The following NRG3 variants were observed in gnomAD, a reference collection of about 807,000 sequenced individuals.
The protein encoded by NRG3 is neuregulin 3, also known as pro-neuregulin-3, membrane-bound isoform.
A neutral mutation model predicts 66.9 loss-of-function variants in NRG3; 31 were observed. That is an observed-to-expected ratio of 0.46 (90% CI 0.35 to 0.63). NRG3 has a LOEUF of 0.63. Ranked by LOEUF, NRG3 falls within the 20% of genes least tolerant of loss-of-function variation. The pLI, the probability that NRG3 is intolerant of heterozygous loss-of-function variation, is 0.00. For missense variants in NRG3, 910 were observed against 878.9 expected (o/e 1.04, Z -0.45); for synonymous variants, 393 against 359.4 (o/e 1.09, Z -1.06).
At chr10:82,041,571 T>A (rs1228951050) in intron 1 of NRG3, among the ~76,000 whole-genome samples, 1 of 151,994 alleles carries the variant, frequency 6.6e-6, no homozygotes. Context: ...CTACAAAGTC[T>A]CCAAAACACA....
intron 2 of NRG3, among the ~76,000 whole-genome samples, chr10:82,597,875 C>A (rs1480131068): frequency 6.7e-6 from 1 of 150,224 alleles, no homozygotes; most frequent in Non-Finnish European, 1.5e-5. Flanking sequence ...GAGCCGAGAT[C>A]GCGCCATTGC....
chr10:82,271,194 A>T (rs902622069), intron 1 of NRG3, among the ~76,000 whole-genome samples: 1 of 152,068 alleles, frequency 6.6e-6, no homozygotes, highest in Admixed American at 6.6e-5. Context: ...GATAAAGAAA[A>T]TCAGAGGGTT....
At chr10:82,447,573 A>G (rs1323088749) in intron 2 of NRG3, among the ~76,000 whole-genome samples, 1 of 152,180 alleles carries the variant, frequency 6.6e-6, no homozygotes, top group Non-Finnish European at 1.5e-5. Flanking sequence ...TATTCTTCCT[A>G]CCTACTCCTT....
chr10:82,922,155 A>G (rs1031774060), intron 4 of NRG3, among the ~76,000 whole-genome samples: 6 of 152,096 alleles, frequency 3.9e-5, no homozygotes, highest in African/African-American at 1.4e-4. Flanking sequence ...AAGAGGATGT[A>G]TAATATTCTA....
At chr10:81,905,043 C>T (rs1369036205) in intron 1 of NRG3, among the ~76,000 whole-genome samples, 1 of 152,130 alleles carries the variant, frequency 6.6e-6, no homozygotes, top group Non-Finnish European at 1.5e-5. Context: ...CCCTTTCATG[C>T]AGTCTCCTCC....
At chr10:82,026,657 T>G (rs2062324543) in intron 1 of NRG3, among the ~76,000 whole-genome samples, 1 of 152,086 alleles carries the variant, frequency 6.6e-6, no homozygotes, top group South Asian at 2.1e-4. Context: ...TTTGTGTGGG[T>G]GTGTTTGAAT....
At chr10:82,170,246 A>G (rs1255255639) in intron 1 of NRG3, among the ~76,000 whole-genome samples, 1 of 152,058 alleles carries the variant, frequency 6.6e-6, no homozygotes, top group Non-Finnish European at 1.5e-5. Context: ...TCTCTTGTGC[A>G]GAAAAATGGC....
chr10:82,753,424 G>T (rs1165639744), intron 3 of NRG3, among the ~76,000 whole-genome samples: 2 of 151,836 alleles, frequency 1.3e-5, no homozygotes, highest in African/African-American at 4.8e-5. Flanking sequence ...GATTGAAGTA[G>T]TTTTTTTCTT....
At chr10:82,499,016 T>C (rs1843885608) in intron 2 of NRG3, among the ~76,000 whole-genome samples, 1 of 151,976 alleles carries the variant, frequency 6.6e-6, no homozygotes, top group Non-Finnish European at 1.5e-5. Context: ...GGTGGAAACA[T>C]ATTGAGTAGC....
At chr10:82,437,813 G>T (rs1303455900) in intron 2 of NRG3, among the ~76,000 whole-genome samples, 3 of 152,014 alleles carry the variant, frequency 2.0e-5, no homozygotes, top group Admixed American at 2.0e-4. Context: ...TCTTCTATAG[G>T]GCTGCTGCAG....
chr10:82,081,463 T>C (rs1238065280), intron 1 of NRG3, among the ~76,000 whole-genome samples: 1 of 152,182 alleles, frequency 6.6e-6, no homozygotes, highest in Non-Finnish European at 1.5e-5. Context: ...CTTGTTTCTT[T>C]AACTGCCGCA....
chr10:82,612,637 T>A (rs1590873407), intron 2 of NRG3, among the ~76,000 whole-genome samples: 1 of 152,310 alleles, frequency 6.6e-6, no homozygotes, highest in Admixed American at 6.5e-5. Context: ...TCTTTTTTTC[T>A]TTTGAAAATT....
chr10:81,963,125 CTTTTTTT>C lies in NRG3; in HGVS notation c.823+86982_823+86988del, dbSNP rs777026850. ...GAAAATATGATCTGCCACGAGGGCT[CTTTTTTT>C]TTTTTTTTTTTTTTTTTTTGAGACG... On this transcript the variant is annotated intron_variant, in intron 1 of 8. Transcript: ENST00000372141. 1.1e-4 allele frequency among the ~76,000 whole-genome samples: 8 copies of C among 70,112 alleles called. No homozygotes were observed. In the East Asian group the frequency reaches 1.9e-3, roughly 16 times the overall value. 46.0% of individuals were successfully genotyped at this position (70,112 alleles called of 152,430 possible).
intron 1 of NRG3, among the ~76,000 whole-genome samples, chr10:82,056,766 G>A (rs1220291759): frequency 6.6e-6 from 1 of 152,082 alleles, no homozygotes; most frequent in Admixed American, 6.6e-5. Flanking sequence ...AGAATTCCAG[G>A]TTAACAATTA....
At chr10:82,016,288 T>G (rs1300520164) in intron 1 of NRG3, among the ~76,000 whole-genome samples, 4 of 152,054 alleles carry the variant, frequency 2.6e-5, no homozygotes, top group Admixed American at 6.6e-5. Flanking sequence ...GTTAGCCGAT[T>G]GGAGAAGTGG....
chr10:82,259,503 C>T (rs2134186069), intron 1 of NRG3, among the ~76,000 whole-genome samples: 1 of 152,222 alleles, frequency 6.6e-6, no homozygotes, highest in East Asian at 1.9e-4. Flanking sequence ...AATTAGATGG[C>T]ACACCGTAGT....
chr10:82,762,593 A>G (rs1385067747), intron 3 of NRG3, among the ~76,000 whole-genome samples: 4 of 152,206 alleles, frequency 2.6e-5, no homozygotes, highest in African/African-American at 4.8e-5. Flanking sequence ...CCGTATACAT[A>G]TATACATTTG....
chr10:82,845,316 G>A (rs145523836), intron 3 of NRG3, among the ~76,000 whole-genome samples: 332 of 152,248 alleles, frequency 2.2e-3, no homozygotes, highest in African/African-American at 7.2e-3. Context: ...TAAAGTTGAC[G>A]AAGCTGCATC....
chr10:82,329,598 G>T (rs1405755350), intron 1 of NRG3, among the ~76,000 whole-genome samples: 2 of 152,070 alleles, frequency 1.3e-5, no homozygotes, highest in African/African-American at 2.4e-5. Flanking sequence ...GCTGTTTTTA[G>T]ATCTTTTGTC....
Sources: gnomAD v4.1 joint callset for allele counts (sites outside exome capture counted in the v4.1 genomes callset) on GRCh38, gnomAD v4.1.1 for gene constraint, MANE v1.5 for transcripts, NCBI Gene and HGNC (gene_info 2026-07-23, HGNC 2026-07-21) for gene names.